Variants in LRRC27 observed in about 807,000 individuals in gnomAD.
LRRC27 encodes leucine rich repeat containing 27, also known as leucine-rich repeat-containing protein 27.
Under a neutral mutation model 55.0 loss-of-function variants are expected in LRRC27, and 57 were observed. The ratio of observed to expected loss-of-function variants is 1.04; its 90% CI spans 0.84 to 1.29. The LOEUF (loss-of-function observed/expected upper bound fraction) is 1.29, where lower values mean the gene tolerates loss of function less well. LRRC27 is among the 50% of genes most tolerant of loss of function. The pLI, the probability that LRRC27 is intolerant of heterozygous loss-of-function variation, is 0.00. For missense variants in LRRC27, 721 were observed against 651.5 expected, an observed-to-expected ratio of 1.11 and a Z score of -1.16; for synonymous variants, 278 against 251.9, an observed-to-expected ratio of 1.10 and a Z score of -0.98.
intron 6 of LRRC27, among the ~76,000 whole-genome samples, chr10:132,349,229 A>G (rs2067884134): frequency 6.6e-6 from 1 of 152,178 alleles, no homozygotes; most frequent in African/African-American, 2.4e-5. Flanking sequence ...CTGGGGGTGA[A>G]GATTCTTGGA....
At chr10:132,353,145 A>T in intron 7 of LRRC27, 1 of 1,444,066 alleles carries the variant, frequency 6.9e-7, no homozygotes, top group Non-Finnish European at 9.1e-7. Flanking sequence ...GGCTTTGGCC[A>T]GCGGGGGCCC....
In LRRC27 at chr10:132,341,964, A is replaced by G. The variant is rs78510678; in HGVS notation, c.342-249A>G. Reference sequence around the variant, plus strand: ...GTTGGAGAAAGGCTGGAGGTGTACAATACCCCGCAAAGCAGGGGACACCAC... The same window carrying G: ...GTTGGAGAAAGGCTGGAGGTGTACAGTACCCCGCAAAGCAGGGGACACCAC... On this transcript the variant is annotated intron_variant, in intron 3 of 10. Transcript: ENST00000368614. 1.4e-3 allele frequency among the ~76,000 whole-genome samples: 219 copies of G among 152,328 alleles called. 1 individual carries two copies. The highest frequency in any genetic ancestry group is 3.7e-3 in the South Asian group (18 of 4,828).
intron 3 of LRRC27, among the ~76,000 whole-genome samples, chr10:132,341,395 AATC>A (rs764666801): frequency 1.1e-4 from 16 of 152,244 alleles, no homozygotes; most frequent in Non-Finnish European, 1.9e-4. Flanking sequence ...CTCAAAAAAT[AATC>A]ATCATAATTA....
rs767407946 is a variant in LRRC27, at chr10:132,355,897, C to T, written c.1170+11C>T. On this transcript the variant is annotated intron_variant, in intron 8 of 10. Transcript: ENST00000368614. ...CCGCGGAGGAGCATGGTACGGCACGCGCGGGCGGTGACCGGGCACTAGTCC... is the reference window on the plus strand; with the variant it reads ...CCGCGGAGGAGCATGGTACGGCACGTGCGGGCGGTGACCGGGCACTAGTCC... 21 of 1,544,656 alleles carry T rather than the reference C, an allele frequency of 1.4e-5. No homozygotes were observed. The East Asian group carries it at 2.2e-4, about 16-fold the overall frequency.
In LRRC27 at chr10:132,364,912, C is replaced by A. The variant is rs190215198; in HGVS notation, c.1290-512C>A. On this transcript the variant is annotated intron_variant, in intron 9 of 10. Coordinates refer to ENST00000368614, the MANE Select transcript of LRRC27 (RefSeq NM_030626.3). ...CCCACAGCTCACCTGCAGCAGATCC[C>A]CAGCTCTTTCTACCACCCTGAGTCA... is the stretch of plus-strand genomic sequence containing the variant. Among the ~76,000 whole-genome samples the A allele has an allele frequency of 2.0e-3, 148 of 73,092 alleles. 1 individual carries two copies. Among genetic ancestry groups the A allele is most frequent in the African/African-American group, 4.8e-3 (131 of 27,350 alleles). The allele number at this position is 73,092 out of a possible 152,430, so 48.0% of individuals were successfully genotyped here. A position where few individuals can be genotyped will look rare whatever the true frequency, so the allele number is the denominator to read the frequency against.
intron 10 of LRRC27, among the ~76,000 whole-genome samples, chr10:132,373,885 T>C (rs902360591): frequency 6.6e-6 from 1 of 152,074 alleles, no homozygotes; most frequent in Non-Finnish European, 1.5e-5. Flanking sequence ...AAACAAACAT[T>C]TTAAAAGGAG....
At position 132,375,119 on chromosome 10, in the gene LRRC27, C is replaced by A; in HGVS notation, c.1470C>A (p.Asn490Lys). ...VLKLKLGLTL[N>K]KDRRRAALTG... ...AGCTAAAATTGGGATTAACCTTGAACAAAGATCGTCGACGGGCGGCCCTCA... is the reference window on the plus strand; with the variant it reads ...AGCTAAAATTGGGATTAACCTTGAAAAAAGATCGTCGACGGGCGGCCCTCA... Residue 490 changes from asparagine to lysine, a missense_variant, in exon 11 of 11, where the codon AAC (asparagine) becomes AAA (lysine). By Grantham distance (94) the Asn-to-Lys change is moderately conservative. Coordinates refer to ENST00000368614, the MANE Select transcript of LRRC27 (RefSeq NM_030626.3). 1 of 1,614,044 alleles carries A rather than the reference C, an allele frequency of 6.2e-7. No individual in the cohort carries two copies. Among genetic ancestry groups the A allele is most frequent in the South Asian group, 1.1e-5 (1 of 91,084 alleles).
intron 3 of LRRC27, among the ~76,000 whole-genome samples, chr10:132,341,020 G>A (rs1004989748): frequency 2.0e-5 from 3 of 152,214 alleles, no homozygotes; most frequent in African/African-American, 4.8e-5. Context: ...TGAGGGCTGG[G>A]CATGGTGGCT....
rs775005317 is a variant in LRRC27 at position 132,348,370 on chromosome 10, G to A, written c.926+14G>A. 10 of 1,598,054 alleles carry A rather than the reference G, an allele frequency of 6.3e-6. No homozygotes were observed. In the South Asian group the frequency reaches 1.1e-4, roughly 18 times the overall value. On this transcript the variant is annotated intron_variant, in intron 6 of 10. Coordinates refer to ENST00000368614, the MANE Select transcript of LRRC27 (RefSeq NM_030626.3). The surrounding 1 kb of genome is among the most constrained non-coding windows in gnomAD (Gnocchi z 4.2). ...ACACGTTTTCAGGTAAAACTGAAAAGCAACGGGGGATTTTCTTGATCTTTG... is the reference window on the plus strand; with the variant it reads ...ACACGTTTTCAGGTAAAACTGAAAAACAACGGGGGATTTTCTTGATCTTTG...
At chr10:132,368,732 C>T (rs548739536) in intron 10 of LRRC27, among the ~76,000 whole-genome samples, 2 of 152,242 alleles carry the variant, frequency 1.3e-5, no homozygotes, top group African/African-American at 4.8e-5. Context: ...CCTAAGTGAC[C>T]TTGGGTATGG....
At position 132,348,615 on chromosome 10, in the gene LRRC27, G is replaced by A. The variant is rs1468280096; in HGVS notation, c.926+259G>A. Among the ~76,000 whole-genome samples the A allele has an allele frequency of 2.0e-5, 3 of 152,178 alleles. No individual in the cohort carries two copies. The highest frequency in any genetic ancestry group is 4.4e-5 in the Non-Finnish European group (3 of 68,044). On this transcript the variant is annotated intron_variant, in intron 6 of 10. Transcript: ENST00000368614. The surrounding 1 kb of genome is among the most constrained non-coding windows in gnomAD (Gnocchi z 4.2). ...ACGCCCGGGGAAAAGAGACATAAGCGACAGTGAGATCTGTGGCCTGTGCTT... is the reference window on the plus strand; with the variant it reads ...ACGCCCGGGGAAAAGAGACATAAGCAACAGTGAGATCTGTGGCCTGTGCTT...
chr10:132,358,705 CA>C (rs2068444750), intron 8 of LRRC27, among the ~76,000 whole-genome samples: 1 of 36,516 alleles, frequency 2.7e-5, no homozygotes, highest in South Asian at 1.5e-3. Context: ...GGTGGTAGAG[CA>C]GTGTGGGGAG....
intron 2 of LRRC27, 183 bp from the exon 3 acceptor site, chr10:132,337,382 T>A: frequency 7.2e-7 from 1 of 1,386,034 alleles, no homozygotes; most frequent in Non-Finnish European, 9.3e-7. Context: ...CTGGTTCTTT[T>A]CTTTCTGATT....
chr10:132,341,233 G>A (rs545960990), intron 3 of LRRC27, among the ~76,000 whole-genome samples: 1 of 151,966 alleles, frequency 6.6e-6, no homozygotes, highest in South Asian at 2.1e-4. Context: ...AGCCAGGCAT[G>A]GTGGTACACA....
At position 132,380,411 on chromosome 10, in the gene LRRC27, C is replaced by T. The variant is rs115223436; in HGVS notation, c.*5169C>T. Among the ~76,000 whole-genome samples, 2,832 of 152,284 alleles carry T rather than the reference C, an allele frequency of 0.019. 84 individuals carry two copies. Among genetic ancestry groups the T allele is most frequent in the African/African-American group, 0.062 (2,557 of 41,530 alleles). On this transcript the variant is annotated 3_prime_UTR_variant, in exon 11 of 11. Transcript: ENST00000368614. ...CTGTTGCTATTGCAGTGAGCGCAAG[C>T]ATGTCAAGGATCCGCTTAAAACATC...
At chr10:132,364,051 C>G (rs1236426100) in intron 9 of LRRC27, among the ~76,000 whole-genome samples, 1 of 152,010 alleles carries the variant, frequency 6.6e-6, no homozygotes, top group Non-Finnish European at 1.5e-5. Flanking sequence ...CACAGCAGAC[C>G]ACAGTGGCCC....
rs2069350401 is a variant in LRRC27 at position 132,377,281 on chromosome 10, C to G, written c.*2039C>G. 6.6e-6 allele frequency: 1 copy of G among 152,146 alleles called. No individual in the cohort carries two copies. Among genetic ancestry groups the G allele is most frequent in the Non-Finnish European group, 1.5e-5 (1 of 68,034 alleles). 9.4% of individuals were successfully genotyped at this position (152,146 alleles called of 1,614,324 possible). ...CGTGTGCGTACGGCGGATTCCGTGC[C>G]CATCTCATGTTTTTATTCCCTTTAT... On this transcript the variant is annotated 3_prime_UTR_variant, in exon 11 of 11. Coordinates refer to ENST00000368614, the MANE Select transcript of LRRC27 (RefSeq NM_030626.3).
At chr10:132,338,995 C>T (rs985948021) in intron 3 of LRRC27, among the ~76,000 whole-genome samples, 2 of 152,178 alleles carry the variant, frequency 1.3e-5, no homozygotes, top group Non-Finnish European at 2.9e-5. Flanking sequence ...CAGGCATGAG[C>T]CCCCGCGCCC....
rs867043017 is a variant in LRRC27, at chr10:132,348,829, T to C, written c.926+473T>C. 4.8e-5 allele frequency: 31 copies of C among 640,328 alleles called. No homozygotes were observed. In the South Asian group the frequency reaches 5.2e-4, roughly 11 times the overall value. 39.7% of individuals were successfully genotyped at this position (640,328 alleles called of 1,614,324 possible). On this transcript the variant is annotated intron_variant, in intron 6 of 10. Transcript: ENST00000368614. The surrounding 1 kb of genome is among the most constrained non-coding windows in gnomAD (Gnocchi z 4.2). The stretch of plus-strand genomic sequence containing the variant: ...AGAGAGGAGTTGGGGGAAAGGTCAG[T>C]TATGCAGAAAATAAATGGCAGCTGC...
Sources: gnomAD v4.1 joint callset for allele counts (sites outside exome capture counted in the v4.1 genomes callset) on GRCh38, gnomAD v4.1.1 for gene constraint, Gnocchi (gnomAD v3.1) non-coding constraint, MANE v1.5 for transcripts, NCBI Gene and HGNC (gene_info 2026-07-23, HGNC 2026-07-21) for gene names.